The following GABRG2 variants were observed in gnomAD, a reference collection of about 807,000 sequenced individuals.
The protein encoded by GABRG2 is gamma-aminobutyric acid receptor subunit gamma-2.
A neutral mutation model predicts 56.4 loss-of-function variants in GABRG2; 16 were observed. That is an observed-to-expected ratio of 0.28 (90% confidence interval 0.19 to 0.43). The LOEUF (loss-of-function observed/expected upper bound fraction) is 0.43. Among genes scored for constraint, GABRG2 ranks in the 20% least tolerant of loss-of-function variants. The pLI is 1.00. For missense variants in GABRG2, 327 were observed against 582.7 expected, an observed-to-expected ratio of 0.56 and a Z score of 4.52; for synonymous variants, 208 against 205.5, an observed-to-expected ratio of 1.01 and a Z score of -0.10.
chr5:162,109,388 TAA>T (rs1491398482), intron 6 of GABRG2, among the ~76,000 whole-genome samples: 29 of 39,178 alleles, frequency 7.4e-4, no homozygotes, highest in African/African-American at 2.6e-3. Context: ...ACTTAAAGTA[TAA>T]TATATATATA....
intron 6 of GABRG2, among the ~76,000 whole-genome samples, chr5:162,107,062 A>G (rs1761888844): frequency 6.6e-6 from 1 of 152,056 alleles, no homozygotes; most frequent in South Asian, 2.1e-4. Context: ...ATGTCCATGT[A>G]TTATCATCAT....
intron 6 of GABRG2, among the ~76,000 whole-genome samples, chr5:162,137,210 A>T (rs1164394883): frequency 2.0e-5 from 3 of 152,166 alleles, no homozygotes; most frequent in African/African-American, 7.2e-5. Context: ...CACATAAAAA[A>T]CCGTGGGAAA....
At chr5:162,094,115 TTAAA>T in intron 2 of GABRG2, 136 bp downstream of exon 2, 1 of 935,352 alleles carries the variant, frequency 1.1e-6, no homozygotes, top group Non-Finnish European at 1.7e-6. Flanking sequence ...AAAGTAGTGT[TTAAA>T]TAGCATTCAG....
chr5:162,141,026 CT>C (rs201376464), intron 6 of GABRG2, among the ~76,000 whole-genome samples: 5 of 151,844 alleles, frequency 3.3e-5, no homozygotes, highest in Middle Eastern at 3.4e-3. Flanking sequence ...CATTTTGCTT[CT>C]TTTTTTTGTT....
upstream of GABRG2, chr5:162,067,726 C>T (rs1022524578): frequency 2.6e-5 from 16 of 608,970 alleles, no homozygotes; most frequent in East Asian, 4.1e-4. Context: ...CTCCTTGTAC[C>T]CTCCCCCTGC....
chr5:162,130,221 A>C (rs540003958), intron 6 of GABRG2, among the ~76,000 whole-genome samples: 1 of 152,102 alleles, frequency 6.6e-6, no homozygotes, highest in Non-Finnish European at 1.5e-5. Context: ...GGGGTGTGAT[A>C]GTTGAAAATC....
At chr5:162,138,675 C>A (rs1764322367) in intron 6 of GABRG2, among the ~76,000 whole-genome samples, 1 of 152,120 alleles carries the variant, frequency 6.6e-6, no homozygotes, top group Non-Finnish European at 1.5e-5. Context: ...ACACTTTATT[C>A]AACTATCTTT....
intron 8 of GABRG2, chr5:162,151,462 T>C: frequency 5.5e-6 from 2 of 364,446 alleles, no homozygotes; most frequent in Non-Finnish European, 9.8e-6. Flanking sequence ...TTCCTTGCAA[T>C]TGAACAACTC....
chr5:162,099,998 A>T (rs999501476), intron 4 of GABRG2: 3 of 152,184 alleles, frequency 2.0e-5, no homozygotes, highest in Non-Finnish European at 2.9e-5. Flanking sequence ...AGCTTCCTTT[A>T]TGAATAAAAC....
intron 3 of GABRG2, among the ~76,000 whole-genome samples, chr5:162,097,418 A>T (rs1475186478): frequency 6.6e-6 from 1 of 152,152 alleles, no homozygotes; most frequent in Non-Finnish European, 1.5e-5. Flanking sequence ...GCCAGAACTC[A>T]CTTAGACAGA....
intron 6 of GABRG2, among the ~76,000 whole-genome samples, chr5:162,124,860 G>T (rs1763218050): frequency 6.6e-6 from 1 of 151,544 alleles, no homozygotes; most frequent in Non-Finnish European, 1.5e-5. Flanking sequence ...ATGATGCAAG[G>T]AATCTCATAA....
intron 1 of GABRG2, among the ~76,000 whole-genome samples, chr5:162,093,239 A>G (rs1007573802): frequency 4.6e-5 from 7 of 152,116 alleles, no homozygotes; most frequent in South Asian, 2.1e-4. Context: ...ACCAAAGATA[A>G]ATGATCCACC....
At chr5:162,115,455 A>T (rs1762550717) in intron 6 of GABRG2, among the ~76,000 whole-genome samples, 1 of 152,124 alleles carries the variant, frequency 6.6e-6, no homozygotes, top group Non-Finnish European at 1.5e-5. Context: ...TCCCGTGTGG[A>T]GATCTTAGGT....
At chr5:162,082,807 C>A (rs905316864) in intron 1 of GABRG2, among the ~76,000 whole-genome samples, 1 of 147,424 alleles carries the variant, frequency 6.8e-6, no homozygotes, top group African/African-American at 2.4e-5. Context: ...GTACTAACAA[C>A]AAGAAGAAAA....
At chr5:162,072,645 A>T (rs1485715156) in intron 1 of GABRG2, among the ~76,000 whole-genome samples, 3 of 152,010 alleles carry the variant, frequency 2.0e-5, no homozygotes, top group Non-Finnish European at 2.9e-5. Context: ...TATCAATTTT[A>T]TGCGCTGCTT....
At chr5:162,141,965 C>T (rs2113597086) in intron 6 of GABRG2, among the ~76,000 whole-genome samples, 199 bp from the exon 7 acceptor site, 1 of 152,166 alleles carries the variant, frequency 6.6e-6, no homozygotes, top group South Asian at 2.1e-4. Context: ...ACAAATTGCT[C>T]TAAAAGAGTT....
At chr5:162,128,287 C>T (rs1053257244) in intron 6 of GABRG2, 1 of 151,910 alleles carries the variant, frequency 6.6e-6, no homozygotes, top group Non-Finnish European at 1.5e-5. Flanking sequence ...CTCAGATTCT[C>T]ATCTGGGTCA....
chr5:162,079,419 G>A (rs1182144003), intron 1 of GABRG2, among the ~76,000 whole-genome samples: 3 of 151,648 alleles, frequency 2.0e-5, no homozygotes, highest in Non-Finnish European at 4.4e-5. Context: ...ATTAGAGATT[G>A]TAGTTTATAC....
At chr5:162,149,571 C>CCATTTTGAGAA in intron 8 of GABRG2, 1 of 757,246 alleles carries the variant, frequency 1.3e-6, no homozygotes, top group Non-Finnish European at 2.4e-6. Flanking sequence ...GAGACTAAAG[C>CCATTTTGAGAA]CATTTTTGAG....
Sources: gnomAD v4.1 joint callset for allele counts (sites outside exome capture counted in the v4.1 genomes callset) on GRCh38, gnomAD v4.1.1 for gene constraint, MANE v1.5 for transcripts, NCBI Gene and HGNC (gene_info 2026-07-23, HGNC 2026-07-21) for gene names.